The following CALCA variants were observed in gnomAD, a reference collection of about 807,000 sequenced individuals.
The protein encoded by CALCA is calcitonin related polypeptide alpha.
Under a neutral mutation model 6.9 loss-of-function variants are expected in CALCA, and 4 were observed. The ratio of observed to expected loss-of-function variants is 0.58; its 90% confidence interval spans 0.29 to 1.33. CALCA has a LOEUF of 1.33. CALCA is among the 40% of genes most tolerant of loss of function. The probability of loss-of-function intolerance (pLI) is 0.09; values close to 1 mark genes in which losing one functional copy is unlikely to be tolerated. For missense variants in CALCA, 174 were observed against 178.3 expected, an observed-to-expected ratio of 0.98 and a Z score of 0.14; for synonymous variants, 78 against 70.0, an observed-to-expected ratio of 1.11 and a Z score of -0.57.
downstream of CALCA, chr11:14,968,055 C>T: frequency 3.0e-6 from 2 of 656,018 alleles, no homozygotes; most frequent in South Asian, 3.7e-5. Flanking sequence ...CATAGATATT[C>T]CCAGGGGTGT....
intron 2 of CALCA, 42 bp from the exon 3 acceptor site, chr11:14,970,117 G>A (rs2133583761): frequency 6.2e-7 from 1 of 1,610,964 alleles, no homozygotes; most frequent in East Asian, 2.2e-5. Context: ...GTGAGCCCCT[G>A]CCTGCCCCTC....
chr11:14,967,830 A>C (rs1849492972), downstream of CALCA: 1 of 1,614,252 alleles, frequency 6.2e-7, no homozygotes, highest in African/African-American at 1.3e-5. Flanking sequence ...TGGCAGTGTC[A>C]CAGGCTCTCT....
In CALCA at chr11:14,971,310, T is replaced by C. The variant is rs1461898813; in HGVS notation, c.-9-109A>G. Reference sequence around the variant, plus strand: ...TGTCTTGCTTCTAACGCTCTGGCTTTGTGGCTTCAGACTGGTCATTATATT... The same window carrying C: ...TGTCTTGCTTCTAACGCTCTGGCTTCGTGGCTTCAGACTGGTCATTATATT... On this transcript the variant is annotated intron_variant, in intron 1 of 3. Coordinates refer to ENST00000331587, the MANE Select transcript of CALCA (RefSeq NM_001741.3). The C allele has an allele frequency of 9.0e-6, 7 of 775,226 alleles. No homozygotes were observed. The East Asian group carries it at 1.5e-4, about 17-fold the overall frequency. 48.0% of individuals were successfully genotyped at this position (775,226 alleles called of 1,614,324 possible).
chr11:14,968,696 G>A lies in CALCA; in HGVS notation c.*103C>T. On this transcript the variant is annotated 3_prime_UTR_variant, in exon 4 of 4. Transcript: ENST00000331587. ...TGAGACATCCTCTGCCACAAGGAAA[G>A]CCACCAATACCAGCCCAAAGAGCCA... The A allele has an allele frequency of 6.2e-7, 1 of 1,611,482 alleles. No homozygotes were observed. Among genetic ancestry groups the A allele is most frequent in the South Asian group, 1.1e-5 (1 of 90,244 alleles).
rs5239 is a variant in CALCA, at chr11:14,969,993, C to T, written c.169G>A (p.Asp57Asn). The part of the protein sequence containing the change: ...ARLLLAALVQ[D>N]YVQMKASELE... The stretch of plus-strand genomic sequence containing the variant: ...TCACTGGCCTTCATCTGCACATAGT[C>T]CTGCACCAGTGCAGCCAGCAGGAGG... Residue 57 changes from aspartate to asparagine, a missense_variant, in exon 3 of 4, where the codon GAC (aspartate) becomes AAC (asparagine). Physicochemically the swap from Asp to Asn is conservative, Grantham distance 23. Coordinates refer to ENST00000331587, the MANE Select transcript of CALCA (RefSeq NM_001741.3). 2.8e-3 allele frequency: 4,581 copies of T among 1,614,114 alleles called. 144 individuals are homozygous for T. The African/African-American group carries it at 0.052, about 18-fold the overall frequency.
Position 14,968,786 on chromosome 11 carries a change from G to GAAA in CALCA, c.*10_*12dup. On this transcript the variant is annotated 3_prime_UTR_variant, in exon 4 of 4. Transcript: ENST00000331587. ...GGATGCAAGAAGGGAAATTAGGAAG[G>GAAA]AAAGGGAGGAGTTTAGTTGGCATTC... 1 of 1,614,140 alleles carries GAAA rather than the reference G, an allele frequency of 6.2e-7. No individual in the cohort carries two copies. The highest frequency in any genetic ancestry group is 8.5e-7 in the Non-Finnish European group (1 of 1,180,026).
At chr11:14,968,232 C>G (rs1265445761), downstream of CALCA, 1 of 331,080 alleles carries the variant, frequency 3.0e-6, no homozygotes, top group South Asian at 3.1e-5. Flanking sequence ...AATCTACACC[C>G]CAGTCACGGG....
intron 3 of CALCA, among the ~76,000 whole-genome samples, chr11:14,969,726 C>T (rs1327735070): frequency 1.3e-5 from 2 of 152,156 alleles, no homozygotes; most frequent in African/African-American, 2.4e-5. Flanking sequence ...AGAAACGGAG[C>T]CTTTTGTTAT....
At chr11:14,971,648 C>G (rs1046018504) in intron 1 of CALCA, among the ~76,000 whole-genome samples, 1 of 152,228 alleles carries the variant, frequency 6.6e-6, no homozygotes. Context: ...CAGAGATTAT[C>G]TCTGCAATTG....
chr11:14,970,766 G>C (rs1189506478), intron 2 of CALCA, among the ~76,000 whole-genome samples: 3 of 152,114 alleles, frequency 2.0e-5, no homozygotes, highest in East Asian at 1.9e-4. Flanking sequence ...CGGGCATGGT[G>C]GTGGGCGCCT....
In CALCA at chr11:14,968,975, G is replaced by A. The variant is rs118030281; in HGVS notation, c.250C>T (p.Arg84Trp). 8.1e-5 allele frequency: 130 copies of A among 1,613,622 alleles called. No individual in the cohort carries two copies. The highest frequency in any genetic ancestry group is 3.5e-4 in the Middle Eastern group (2 of 5,676). The change falls in exon 4 of 4, where the codon CGG becomes TGG. Residue 84 changes from arginine to tryptophan, a missense_variant. By Grantham distance (101) the Arg-to-Trp change is moderately radical. Transcript: ENST00000331587. ...ATGCAAGTACTCAGATTACCGCACC[G>A]CTTAGATCTGGGGCTGTCCAGGCTG... is the stretch of plus-strand genomic sequence containing the variant. ...GSSLDSPRSK[R>W]CGNLSTCMLG...
At position 14,968,667 on chromosome 11, in the gene CALCA, A is replaced by T; in HGVS notation, c.*132T>A. ...TCCTGCTCTCTTTCCTCCCATCTGA[A>T]GTTTGAGACATCCTCTGCCACAAGG... On this transcript the variant is annotated 3_prime_UTR_variant, in exon 4 of 4. Coordinates refer to ENST00000331587, the MANE Select transcript of CALCA (RefSeq NM_001741.3). 6.2e-7 allele frequency: 1 copy of T among 1,606,646 alleles called. No homozygotes were observed. The highest frequency in any genetic ancestry group is 8.5e-7 in the Non-Finnish European group (1 of 1,176,914).
chr11:14,967,701 T>C (rs782145956), downstream of CALCA: 1 of 1,614,002 alleles, frequency 6.2e-7, no homozygotes, highest in Non-Finnish European at 8.5e-7. Context: ...CTGCTCAGGC[T>C]TGAAGGTCCC....
At chr11:14,969,082 G>T (rs1311646894) in intron 3 of CALCA, 85 bp from the exon 4 acceptor site, 6 of 1,294,656 alleles carry the variant, frequency 4.6e-6, no homozygotes, top group Non-Finnish European at 6.7e-6. Context: ...ACCAGGCAGG[G>T]GACCCTGGGA....
At chr11:14,966,755 G>A (rs1555025430), downstream of CALCA, 1 of 152,590 alleles carries the variant, frequency 6.6e-6, no homozygotes, top group East Asian at 1.9e-4. Flanking sequence ...CTTCTGTCAA[G>A]GCACAGCATT....
downstream of CALCA, chr11:14,968,078 G>C (rs1849498552): frequency 1.7e-6 from 1 of 605,636 alleles, no homozygotes; most frequent in African/African-American, 1.8e-5. Context: ...GAAAACCCAA[G>C]GTGACTCTGG....
intron 3 of CALCA, among the ~76,000 whole-genome samples, chr11:14,969,336 C>T (rs1760163755): frequency 6.6e-6 from 1 of 152,068 alleles, no homozygotes; most frequent in Non-Finnish European, 1.5e-5. Flanking sequence ...TGCTCAGGCT[C>T]AAGGTACACA....
At chr11:14,966,916 C>G (rs1426469532), downstream of CALCA, 1 of 152,544 alleles carries the variant, frequency 6.6e-6, no homozygotes, top group Non-Finnish European at 1.5e-5. Flanking sequence ...GTTACATAAT[C>G]AAGTATTTAA....
Position 14,972,318 on chromosome 11 carries a change from G to C in CALCA, c.-83C>G, listed in dbSNP as rs1246743356. Reference sequence around the variant, plus strand: ...CGTCCAGCCAGAGCCCTGTGGAAGCGGCGGCGACACTTGGGCTGGGCAGTG... The same window carrying C: ...CGTCCAGCCAGAGCCCTGTGGAAGCCGCGGCGACACTTGGGCTGGGCAGTG... On this transcript the variant is annotated 5_prime_UTR_variant, in exon 1 of 4. Coordinates refer to ENST00000331587, the MANE Select transcript of CALCA (RefSeq NM_001741.3). 1.3e-5 allele frequency: 2 copies of C among 153,664 alleles called. No homozygotes were observed. The highest frequency in any genetic ancestry group is 4.8e-5 in the African/African-American group (2 of 41,444). The allele number at this position is 153,664 out of a possible 1,614,324, so 9.5% of individuals were successfully genotyped here.
Sources: gnomAD v4.1 joint callset for allele counts (sites outside exome capture counted in the v4.1 genomes callset) on GRCh38, gnomAD v4.1.1 for gene constraint, MANE v1.5 for transcripts, NCBI Gene and HGNC (gene_info 2026-07-23, HGNC 2026-07-21) for gene names.